SHTN1: variants seen among roughly 807,000 people sequenced by gnomAD.
The protein encoded by SHTN1 is shootin-1.
In SHTN1, 42 loss-of-function variants were observed where a neutral mutation model predicts 83.1. That is an observed-to-expected ratio of 0.51 (90% CI 0.39 to 0.65). The LOEUF (loss-of-function observed/expected upper bound fraction) is 0.65. Ranked by LOEUF, SHTN1 falls within the 30% of genes least tolerant of loss-of-function variation. The pLI is 0.00. For missense variants in SHTN1, 622 were observed against 737.8 expected (o/e 0.84, Z 1.82); for synonymous variants, 224 against 247.7 (o/e 0.90, Z 0.90).
At chr10:117,089,048 T>C (rs1048830158) in intron 1 of SHTN1, among the ~76,000 whole-genome samples, 1 of 152,204 alleles carries the variant, frequency 6.6e-6, no homozygotes, top group Non-Finnish European at 1.5e-5. Context: ...AATAGGGCTG[T>C]ACAGCCCCAC....
intron 3 of SHTN1, among the ~76,000 whole-genome samples, chr10:116,961,090 A>C (rs1195834265): frequency 6.6e-6 from 1 of 152,076 alleles, no homozygotes; most frequent in Non-Finnish European, 1.5e-5. Flanking sequence ...CCCTAAATGT[A>C]GACATTACTT....
chr10:116,893,654 A>T (rs148693062), intron 16 of SHTN1, among the ~76,000 whole-genome samples: 52 of 148,982 alleles, frequency 3.5e-4, no homozygotes, highest in African/African-American at 1.2e-3. Flanking sequence ...GGGAGTATCT[A>T]TCAGGAACAA....
rs948062877 is a variant in SHTN1 at position 116,886,014 on chromosome 10, T to G, written c.*330A>C. 1.6e-5 allele frequency: 4 copies of G among 252,734 alleles called. No homozygotes were observed. The highest frequency in any genetic ancestry group is 3.0e-5 in the Non-Finnish European group (4 of 132,900). 15.7% of individuals were successfully genotyped at this position (252,734 alleles called of 1,614,324 possible). On this transcript the variant is annotated 3_prime_UTR_variant, in exon 17 of 17. Coordinates refer to ENST00000355371, the MANE Select transcript of SHTN1 (RefSeq NM_001127211.3). ...AGCACCTCAAACTTTCAGCATTCCA[T>G]TTGATGAGTGGTATGCACATTTCCT...
intron 1 of SHTN1, among the ~76,000 whole-genome samples, chr10:117,085,661 T>G (rs1853339700): frequency 6.6e-6 from 1 of 152,214 alleles, no homozygotes; most frequent in Non-Finnish European, 1.5e-5. Context: ...TCAGTTCAAC[T>G]ATGTCTTTAT....
At chr10:116,941,119 A>T (rs2133397766) in intron 8 of SHTN1, among the ~76,000 whole-genome samples, 1 of 152,322 alleles carries the variant, frequency 6.6e-6, no homozygotes, top group Admixed American at 6.5e-5. Context: ...TAATTTTACT[A>T]ATAAGGTAAC....
chr10:117,092,419 C>T (rs559544741), intron 1 of SHTN1, among the ~76,000 whole-genome samples: 24 of 152,250 alleles, frequency 1.6e-4, no homozygotes, highest in Middle Eastern at 3.4e-3. Flanking sequence ...GCGACAAATG[C>T]GAGAATTGAT....
rs570313277 is a variant in SHTN1, at chr10:117,022,643, G to A, written c.-123+25802C>T. Among the ~76,000 whole-genome samples the A allele has an allele frequency of 2.6e-5, 4 of 152,184 alleles. No individual in the cohort carries two copies. The South Asian group carries it at 8.3e-4, about 32-fold the overall frequency. On this transcript the variant is annotated intron_variant, in intron 2 of 17. Coordinates refer to the SHTN1 transcript ENST00000392901. Reference sequence around the variant, plus strand: ...TAATATCTTAAAACATGTGTAGGCCGGGCACAGTGGCTCATGCCTATAATC... The same window carrying A: ...TAATATCTTAAAACATGTGTAGGCCAGGCACAGTGGCTCATGCCTATAATC...
chr10:116,897,064 C>G (rs1847549559), intron 16 of SHTN1, among the ~76,000 whole-genome samples: 2 of 152,150 alleles, frequency 1.3e-5, no homozygotes, highest in African/African-American at 4.8e-5. Context: ...GCCTCAGCCT[C>G]CCAAAGTGCT....
chr10:116,982,909 G>A (rs1028722176), intron 1 of SHTN1, among the ~76,000 whole-genome samples: 4 of 151,770 alleles, frequency 2.6e-5, no homozygotes, highest in African/African-American at 9.7e-5. Flanking sequence ...GTTGCAGTGA[G>A]CCGAGATCAT....
intron 9 of SHTN1, among the ~76,000 whole-genome samples, chr10:116,930,580 A>G (rs1848923357): frequency 6.6e-6 from 1 of 152,186 alleles, no homozygotes; most frequent in Non-Finnish European, 1.5e-5. Context: ...TTATGGCTAC[A>G]CCGTATTCCA....
At chr10:116,971,997 C>A (rs1384038464) in intron 2 of SHTN1, among the ~76,000 whole-genome samples, 2 of 152,180 alleles carry the variant, frequency 1.3e-5, no homozygotes, top group Non-Finnish European at 2.9e-5. Context: ...CAGTTGACAT[C>A]ATACACAATC....
At chr10:117,054,872 A>T (rs1432928594) in intron 1 of SHTN1, among the ~76,000 whole-genome samples, 1 of 152,134 alleles carries the variant, frequency 6.6e-6, no homozygotes, top group Non-Finnish European at 1.5e-5. Context: ...TATATCTTCC[A>T]TATATTGATT....
At chr10:116,911,622 CAT>C (rs1848200831) in intron 14 of SHTN1, 166 bp downstream of exon 14, 3 of 1,553,464 alleles carry the variant, frequency 1.9e-6, no homozygotes, top group Admixed American at 2.0e-5. Context: ...AAATTATTAA[CAT>C]ATGTGATGGA....
intron 2 of SHTN1, among the ~76,000 whole-genome samples, chr10:116,976,090 C>T (rs1457724469): frequency 1.3e-5 from 2 of 152,212 alleles, no homozygotes; most frequent in Admixed American, 1.3e-4. Flanking sequence ...AATCTAGACT[C>T]TGCCATGGTC....
chr10:116,935,455 G>A (rs1241014322), intron 9 of SHTN1, among the ~76,000 whole-genome samples: 6 of 152,186 alleles, frequency 3.9e-5, no homozygotes, highest in African/African-American at 1.4e-4. Flanking sequence ...CTGTTTATGT[G>A]ATGGATTACA....
chr10:117,095,022 T>C (rs1853485173), intron 1 of SHTN1, among the ~76,000 whole-genome samples: 1 of 152,202 alleles, frequency 6.6e-6, no homozygotes, highest in Non-Finnish European at 1.5e-5. Flanking sequence ...ATCTGTGGTG[T>C]CTACAAGCAA....
At chr10:117,028,655 ACTT>A (rs902312457) in intron 2 of SHTN1, among the ~76,000 whole-genome samples, 4 of 152,096 alleles carry the variant, frequency 2.6e-5, no homozygotes, top group Non-Finnish European at 5.9e-5. Context: ...AACCTGGGCC[ACTT>A]CTTTAGAGGG....
intron 9 of SHTN1, among the ~76,000 whole-genome samples, chr10:116,939,165 G>A (rs751259494): frequency 3.9e-5 from 6 of 152,176 alleles, no homozygotes; most frequent in Non-Finnish European, 8.8e-5. Context: ...CCCTTTCCAG[G>A]GGAGTGAATG....
chr10:117,030,489 G>A (rs939585820), intron 2 of SHTN1, among the ~76,000 whole-genome samples: 40 of 152,006 alleles, frequency 2.6e-4, no homozygotes, highest in Admixed American at 6.6e-5. Flanking sequence ...AGGGAAACAG[G>A]ACATCACCAC....
Sources: allele counts gnomAD v4.1 joint callset (sites outside exome capture counted in the v4.1 genomes callset), GRCh38; gene constraint gnomAD v4.1.1; transcripts MANE v1.5; gene names NCBI Gene and HGNC (gene_info 2026-07-23, HGNC 2026-07-21).